ATG7: variants seen among roughly 807,000 people sequenced by gnomAD.
ATG7 encodes ubiquitin-like modifier-activating enzyme ATG7.
In ATG7, 70 loss-of-function variants were observed where a neutral mutation model predicts 82.4. The ratio of observed to expected loss-of-function variants is 0.85; its 90% CI spans 0.70 to 1.04. The LOEUF (loss-of-function observed/expected upper bound fraction) is 1.04. Ranked by LOEUF, ATG7 falls within the 50% of genes least tolerant of loss-of-function variation. The pLI, the probability that ATG7 is intolerant of heterozygous loss-of-function variation, is 0.00. For synonymous variants in ATG7, 287 were observed against 313.0 expected (o/e 0.92, Z 0.88); for missense variants, 792 against 864.3 (o/e 0.92, Z 1.05).
chr3:11,492,851 T>C (rs1490747787), intron 20 of ATG7, among the ~76,000 whole-genome samples: 3 of 152,248 alleles, frequency 2.0e-5, no homozygotes, highest in African/African-American at 7.2e-5. Context: ...GAACAAACTT[T>C]GTGCAGACCC....
intron 10 of ATG7, 50 bp downstream of exon 10, chr3:11,331,478 TG>T: frequency 1.5e-6 from 2 of 1,351,936 alleles, no homozygotes; most frequent in Non-Finnish European, 2.1e-6. Flanking sequence ...TGCCAGTATA[TG>T]TTTTACAATG....
chr3:11,373,934 T>A (rs550205689), intron 18 of ATG7, among the ~76,000 whole-genome samples: 2 of 152,352 alleles, frequency 1.3e-5, no homozygotes, highest in East Asian at 3.9e-4. Flanking sequence ...ATTTGAATAA[T>A]TTTGTAAGCT....
intron 15 of ATG7, among the ~76,000 whole-genome samples, chr3:11,359,293 T>G (rs2076134136): frequency 6.6e-6 from 1 of 152,220 alleles, no homozygotes; most frequent in East Asian, 1.9e-4. Context: ...GATTTTTGTT[T>G]TCTTTTGTAG....
At chr3:11,340,836 G>T in intron 12 of ATG7, 101 bp downstream of exon 12, 1 of 1,042,944 alleles carries the variant, frequency 9.6e-7, no homozygotes, top group African/African-American at 1.6e-5. Flanking sequence ...CAGCCCAGGG[G>T]GTGCCAGTCA....
chr3:11,528,454 C>A (rs1218195795), intron 20 of ATG7, among the ~76,000 whole-genome samples: 1 of 152,130 alleles, frequency 6.6e-6, no homozygotes, highest in African/African-American at 2.4e-5. Flanking sequence ...CTTGAGAAGC[C>A]TACAGAGAAA....
chr3:11,521,673 C>G (rs2092446571), intron 20 of ATG7, among the ~76,000 whole-genome samples: 1 of 152,014 alleles, frequency 6.6e-6, no homozygotes, highest in African/African-American at 2.4e-5. Context: ...CTGCCTCAGC[C>G]TCCCGAGTAG....
At chr3:11,465,837 C>T (rs1332155051) in intron 20 of ATG7, among the ~76,000 whole-genome samples, 1 of 152,040 alleles carries the variant, frequency 6.6e-6, no homozygotes, top group African/African-American at 2.4e-5. Flanking sequence ...AAATTAAAAA[C>T]CCAGGGATAA....
intron 20 of ATG7, among the ~76,000 whole-genome samples, chr3:11,432,481 C>T (rs1321067710): frequency 1.3e-5 from 2 of 151,690 alleles, no homozygotes; most frequent in African/African-American, 4.8e-5. Context: ...ATATAATGGA[C>T]TTTTGGGACT....
At chr3:11,415,566 ATTATTTAAACATTTTTG>A (rs2081302487) in intron 19 of ATG7, among the ~76,000 whole-genome samples, 1 of 152,028 alleles carries the variant, frequency 6.6e-6, no homozygotes, top group South Asian at 2.1e-4. Context: ...TTTTTATTTT[ATTATTTAAACATTTTTG>A]TTAAAAACTA....
At chr3:11,365,485 G>C (rs2076538457) in intron 18 of ATG7, among the ~76,000 whole-genome samples, 1 of 152,142 alleles carries the variant, frequency 6.6e-6, no homozygotes, top group Non-Finnish European at 1.5e-5. Context: ...GGAGATTGAA[G>C]AGGTTTTCCA....
chr3:11,551,911 G>C (rs999473645), intron 20 of ATG7, among the ~76,000 whole-genome samples: 4 of 151,330 alleles, frequency 2.6e-5, no homozygotes, highest in African/African-American at 9.7e-5. Context: ...ACCACGCCTG[G>C]CTAATTTTTG....
intron 20 of ATG7, among the ~76,000 whole-genome samples, chr3:11,485,069 T>C (rs1004336193): frequency 2.0e-5 from 3 of 152,228 alleles, no homozygotes; most frequent in African/African-American, 7.2e-5. Context: ...AGTAATGGGA[T>C]GGCTGGGTCA....
chr3:11,477,402 A>C (rs1370695285), intron 20 of ATG7: 1 of 757,548 alleles, frequency 1.3e-6, no homozygotes, highest in Non-Finnish European at 1.7e-6. Context: ...ATAGAAGTGT[A>C]TTTATATAAT....
chr3:11,569,863 A>C, the ATG7 span, among the ~76,000 whole-genome samples: 2 of 152,198 alleles, frequency 1.3e-5, no homozygotes, highest in Non-Finnish European at 2.9e-5. Context: ...CCTGGGTGAC[A>C]GAGCAAGACC....
chr3:11,468,116 G>A (rs1304279529), intron 20 of ATG7, among the ~76,000 whole-genome samples: 1 of 152,228 alleles, frequency 6.6e-6, no homozygotes, highest in Non-Finnish European at 1.5e-5. Context: ...CAGAAATTCA[G>A]CTATAGAAGA....
At chr3:11,327,630 G>T (rs967413758) in intron 9 of ATG7, among the ~76,000 whole-genome samples, 1 of 152,156 alleles carries the variant, frequency 6.6e-6, no homozygotes. Context: ...ATCACCTGAG[G>T]ATCTTTTAAA....
chr3:11,495,686 C>A (rs1421534931), intron 20 of ATG7, among the ~76,000 whole-genome samples: 1 of 152,048 alleles, frequency 6.6e-6, no homozygotes, highest in Non-Finnish European at 1.5e-5. Context: ...ACTCCTGAAG[C>A]TGTAAGTCAG....
At chr3:11,436,758 T>C (rs1290283691) in intron 20 of ATG7, among the ~76,000 whole-genome samples, 2 of 152,186 alleles carry the variant, frequency 1.3e-5, no homozygotes, top group African/African-American at 4.8e-5. Context: ...ATACATGTTA[T>C]AGTATGGATG....
At chr3:11,442,122 G>T (rs575166715) in intron 20 of ATG7, among the ~76,000 whole-genome samples, 5 of 152,256 alleles carry the variant, frequency 3.3e-5, no homozygotes, top group Admixed American at 2.0e-4. Flanking sequence ...TCTTTCAACG[G>T]TAACCTGTGG....
Sources: gnomAD v4.1 joint callset for allele counts (sites outside exome capture counted in the v4.1 genomes callset) on GRCh38, gnomAD v4.1.1 for gene constraint, MANE v1.5 for transcripts, NCBI Gene and HGNC (gene_info 2026-07-23, HGNC 2026-07-21) for gene names.